ASB18: variants seen among roughly 807,000 people sequenced by gnomAD.
The protein encoded by ASB18 is ankyrin repeat and SOCS box containing 18, also known as ankyrin repeat and SOCS box protein 18.
Under a neutral mutation model 33.4 loss-of-function variants are expected in ASB18, and 33 were observed. That is an observed-to-expected ratio of 0.99 (90% CI 0.75 to 1.32). ASB18 has a LOEUF of 1.32. Ranked by LOEUF, ASB18 falls within the 40% of genes most tolerant of loss-of-function variation. The probability of loss-of-function intolerance (pLI) is 0.00; values close to 1 mark genes in which losing one functional copy is unlikely to be tolerated. For synonymous variants in ASB18, 295 were observed against 307.6 expected (o/e 0.96, Z 0.43); for missense variants, 694 against 655.5 (o/e 1.06, Z -0.64).
In ASB18 at chr2:236,205,490, C is replaced by T. The variant is rs567496255; in HGVS notation, c.1101+8872G>A. ...ACTGCCTTCCACCCTTTTAATTTCT[C>T]TATAGTCCTTATCACTTTTTTGGTC... On this transcript the variant is annotated intron_variant, in intron 4 of 5. Transcript: ENST00000409749. This position sits in a 1 kb window ranked among gnomAD's most constrained non-coding sequence, Gnocchi z 5.4. 6.6e-6 allele frequency among the ~76,000 whole-genome samples: 1 copy of T among 152,314 alleles called. No homozygotes were observed. Among genetic ancestry groups the T allele is most frequent in the East Asian group, 1.9e-4 (1 of 5,188 alleles).
Position 236,214,451 on chromosome 2 carries a change from A to G in ASB18, c.1012T>C (p.Ser338Pro), listed in dbSNP as rs1194277960. 1 of 1,537,618 alleles carries G rather than the reference A, an allele frequency of 6.5e-7. No homozygotes were observed. Among genetic ancestry groups the G allele is most frequent in the Non-Finnish European group, 8.7e-7 (1 of 1,148,872 alleles). ...TGCGGTGAGGCCTGGAGAGCGCAGG[A>G]TGCGGTCTGGAGCACGCGGCCCAGC... The part of the protein sequence containing the change: ...SPLGRVLQTA[S>P]CALQASPQRT... Residue 338 changes from serine (S) to proline (P), a missense_variant, in exon 4 of 6, where the codon TCC becomes CCC. Ser to Pro is a moderately conservative substitution (Grantham distance 74). Coordinates refer to ENST00000409749, the MANE Select transcript of ASB18 (RefSeq NM_212556.4). This position sits in a 1 kb window ranked among gnomAD's most constrained non-coding sequence, Gnocchi z 6.5.
intron 4 of ASB18, among the ~76,000 whole-genome samples, chr2:236,210,112 G>A (rs1023187683): frequency 1.2e-4 from 19 of 152,188 alleles, no homozygotes; most frequent in Admixed American, 6.5e-5. Flanking sequence ...GTGTGTACTT[G>A]TCTGATCCAC....
Position 236,237,787 on chromosome 2 carries a change from G to C in ASB18, c.498C>G (p.Ala166=). Residue 166 remains alanine (A), a synonymous_variant, in exon 3 of 6, where the codon GCC becomes GCG. Transcript: ENST00000409749. The surrounding 1 kb of genome is among the most constrained non-coding windows in gnomAD (Gnocchi z 6.2). The part of the protein sequence containing the change: ...LHEACLGGHT[A]CVRLLLQHRA... Reference sequence around the variant, plus strand: ...GGTGCTGCAGCAGCAGGCGGACGCAGGCGGTGTGGCCCCCGAGGCAGGCCT... The same window carrying C: ...GGTGCTGCAGCAGCAGGCGGACGCACGCGGTGTGGCCCCCGAGGCAGGCCT... 1 of 1,441,554 alleles carries C rather than the reference G, an allele frequency of 6.9e-7. No homozygotes were observed. The allele number at this position is 1,441,554 out of a possible 1,614,324, so 89.3% of individuals were successfully genotyped here.
rs112769669 is a variant in ASB18 at position 236,262,888 on chromosome 2, G to C, written c.205+1253C>G. On this transcript the variant is annotated intron_variant, in intron 1 of 5. Coordinates refer to ENST00000409749, the MANE Select transcript of ASB18 (RefSeq NM_212556.4). This position sits in a 1 kb window ranked among gnomAD's most constrained non-coding sequence, Gnocchi z 5.2. ...CAGAAAGTAGACCCAAACCAAGGGG[G>C]GGGGGCGGACCCCCTCGGAAGTTCC... Among the ~76,000 whole-genome samples, 20 of 152,022 alleles carry C rather than the reference G, an allele frequency of 1.3e-4. No homozygotes were observed. Among genetic ancestry groups the C allele is most frequent in the Admixed American group, 2.0e-4 (3 of 15,266 alleles).
rs757142011 is a variant in ASB18, at chr2:236,264,324, G to A, written c.22C>T (p.Pro8Ser). The A allele has an allele frequency of 3.7e-6, 6 of 1,613,796 alleles. No individual in the cohort carries two copies. In the South Asian group the frequency reaches 5.5e-5, roughly 15 times the overall value. The change falls in exon 1 of 6, where the codon CCC (proline) becomes TCC (serine). Residue 8 changes from proline to serine, a missense_variant. By Grantham distance (74) the Pro-to-Ser change is moderately conservative. Transcript: ENST00000409749. This position sits in a 1 kb window ranked among gnomAD's most constrained non-coding sequence, Gnocchi z 5.1. ...AAATCTGAGTTGAGTGGGTAGTCGG[G>A]AAGGTAATCCGAGTTGGACATTGTT... MSNSDYL[P>S]DYPLNSDLVK...
intron 4 of ASB18, among the ~76,000 whole-genome samples, chr2:236,210,192 C>T (rs778829395): frequency 6.6e-6 from 1 of 152,206 alleles, no homozygotes; most frequent in Non-Finnish European, 1.5e-5. Context: ...CAGTACCAAG[C>T]ACCCAAGTTC....
At position 236,256,077 on chromosome 2, in the gene ASB18, T is replaced by C. The variant is rs2060690634; in HGVS notation, c.205+8064A>G. The stretch of plus-strand genomic sequence containing the variant: ...GAGACCGGCTCTCACTGTTGCCAGG[T>C]TGGAGTGCAGTGGCATGATCACGGT... On this transcript the variant is annotated intron_variant, in intron 1 of 5. Transcript: ENST00000409749. This position sits in a 1 kb window ranked among gnomAD's most constrained non-coding sequence, Gnocchi z 4.7. Among the ~76,000 whole-genome samples the C allele has an allele frequency of 6.6e-6, 1 of 152,272 alleles. No homozygotes were observed. Among genetic ancestry groups the C allele is most frequent in the East Asian group, 1.9e-4 (1 of 5,184 alleles).
intron 4 of ASB18, among the ~76,000 whole-genome samples, chr2:236,199,468 A>G (rs549988209): frequency 4.3e-4 from 64 of 149,978 alleles, no homozygotes; most frequent in Non-Finnish European, 7.7e-4. Context: ...TTGCCTTCAT[A>G]AAACAGGCCC....
rs1396429543 is a variant in ASB18 at position 236,216,338 on chromosome 2, A to T, written c.597-1472T>A. 6.6e-6 allele frequency among the ~76,000 whole-genome samples: 1 copy of T among 152,132 alleles called. No individual in the cohort carries two copies. ...TCTACATCAGCTTCATTCAGGGTGC[A>T]GCTCCCAGGAACTCCCTCACCTGCC... On this transcript the variant is annotated intron_variant, in intron 3 of 5. Coordinates refer to ENST00000409749, the MANE Select transcript of ASB18 (RefSeq NM_212556.4). The surrounding 1 kb of genome is among the most constrained non-coding windows in gnomAD (Gnocchi z 6.1).
Position 236,248,254 on chromosome 2 carries a change from G to A in ASB18, c.206-6852C>T, listed in dbSNP as rs547871773. 1 of 152,230 alleles carries A rather than the reference G, an allele frequency of 6.6e-6. No homozygotes were observed. 9.4% of individuals were successfully genotyped at this position (152,230 alleles called of 1,614,324 possible). On this transcript the variant is annotated intron_variant, in intron 1 of 5. Transcript: ENST00000409749. This position sits in a 1 kb window ranked among gnomAD's most constrained non-coding sequence, Gnocchi z 4.9. ...GCCTGGAGCCCACCTGGTAGTTTCA[G>A]GCATAATGGGTTGGAGGTGCAGCCT...
At chr2:236,243,059 A>G (rs2060628896) in intron 1 of ASB18, among the ~76,000 whole-genome samples, 3 of 138,468 alleles carry the variant, frequency 2.2e-5, no homozygotes, top group South Asian at 2.4e-4. Context: ...GGCTGGGCGC[A>G]GTGGCTCACG....
chr2:236,213,530 G>A lies in ASB18; in HGVS notation c.1101+832C>T, dbSNP rs1176581619. 6.6e-6 allele frequency: 1 copy of A among 152,182 alleles called. No homozygotes were observed. Among genetic ancestry groups the A allele is most frequent in the Non-Finnish European group, 1.5e-5 (1 of 68,042 alleles). 9.4% of individuals were successfully genotyped at this position (152,182 alleles called of 1,614,324 possible). A position where few individuals can be genotyped will look rare whatever the true frequency, so the allele number is the denominator to read the frequency against. On this transcript the variant is annotated intron_variant, in intron 4 of 5. Transcript: ENST00000409749. This position sits in a 1 kb window ranked among gnomAD's most constrained non-coding sequence, Gnocchi z 4.8. ...ACACACCCGGATTTTACATCTAATG[G>A]AATGACTTCCCTTCAATGAAGTCTT...
At chr2:236,261,119 GC>G (rs2060715036) in intron 1 of ASB18, among the ~76,000 whole-genome samples, 1 of 152,038 alleles carries the variant, frequency 6.6e-6, no homozygotes, top group Admixed American at 6.5e-5. Context: ...TTCCCATTGA[GC>G]CCCCCAATTA....
chr2:236,235,302 A>G lies in ASB18; in HGVS notation c.596+2387T>C, dbSNP rs1353513899. On this transcript the variant is annotated intron_variant, in intron 3 of 5. Transcript: ENST00000409749. This position sits in a 1 kb window ranked among gnomAD's most constrained non-coding sequence, Gnocchi z 6.2. ...GTTACAATTCCCTACAGTATTCAGT[A>G]CAGTAGCATGCTGTCCAGGTTTGTA... Among the ~76,000 whole-genome samples the G allele has an allele frequency of 6.6e-6, 1 of 152,240 alleles. No individual in the cohort carries two copies. Among genetic ancestry groups the G allele is most frequent in the African/African-American group, 2.4e-5 (1 of 41,470 alleles).
chr2:236,195,978 C>T lies in ASB18; in HGVS notation c.1215+294G>A, dbSNP rs568039488. 188 of 421,620 alleles carry T rather than the reference C, an allele frequency of 4.5e-4. No homozygotes were observed. Among genetic ancestry groups the T allele is most frequent in the Admixed American group, 1.2e-3 (35 of 28,460 alleles). The allele number at this position is 421,620 out of a possible 1,614,324, so 26.1% of individuals were successfully genotyped here. ...GTGGAGCTAGGCCCGTGGATTCAGG[C>T]GGCTCTGGCCTTTCTTTGGACACTG... On this transcript the variant is annotated intron_variant, in intron 5 of 5. Transcript: ENST00000409749. The surrounding 1 kb of genome is among the most constrained non-coding windows in gnomAD (Gnocchi z 5.5).
intron 4 of ASB18, among the ~76,000 whole-genome samples, chr2:236,199,852 A>T (rs977074296): frequency 2.0e-5 from 3 of 152,186 alleles, no homozygotes; most frequent in Non-Finnish European, 4.4e-5. Flanking sequence ...AAGGCACAGT[A>T]GATCTTGCAT....
rs1213827623 is a variant in ASB18, at chr2:236,221,330, A to C, written c.597-6464T>G. On this transcript the variant is annotated intron_variant, in intron 3 of 5. Transcript: ENST00000409749. This position sits in a 1 kb window ranked among gnomAD's most constrained non-coding sequence, Gnocchi z 5.6. ...GTGGGGAAAGGGACATTGCTTCTGA[A>C]CATTTTGTTAGTAATGTTAAACATC... 1.3e-5 allele frequency among the ~76,000 whole-genome samples: 2 copies of C among 152,190 alleles called. No homozygotes were observed.
Position 236,237,736 on chromosome 2 carries a change from G to A in ASB18, c.549C>T (p.Ala183=). Residue 183 remains alanine (A), a synonymous_variant, in exon 3 of 6, where the codon GCC becomes GCT. Coordinates refer to ENST00000409749, the MANE Select transcript of ASB18 (RefSeq NM_212556.4). This position sits in a 1 kb window ranked among gnomAD's most constrained non-coding sequence, Gnocchi z 6.2. ...AGAGGTGCAGAGGCGCCAGGCCCTC[G>A]GCGCTGAGCAGGTCGGGGTCGGCGC... ...QHRADPDLLS[A]EGLAPLHLCR... 6.9e-7 allele frequency: 1 copy of A among 1,459,358 alleles called. No homozygotes were observed. Among genetic ancestry groups the A allele is most frequent in the African/African-American group, 1.5e-5 (1 of 67,922 alleles). The allele number at this position is 1,459,358 out of a possible 1,614,324, so 90.4% of individuals were successfully genotyped here.
rs2060515281 is a variant in ASB18, at chr2:236,222,069, G to A, written c.597-7203C>T. ...TGCTGCAGGAAGGTTTCCTCCTGTG[G>A]CTCTATGCCCCAGCTGACTCCGATG... On this transcript the variant is annotated intron_variant, in intron 3 of 5. Transcript: ENST00000409749. The surrounding 1 kb of genome is among the most constrained non-coding windows in gnomAD (Gnocchi z 5.5). Among the ~76,000 whole-genome samples, 2 of 152,134 alleles carry A rather than the reference G, an allele frequency of 1.3e-5. No individual in the cohort carries two copies. The highest frequency in any genetic ancestry group is 2.9e-5 in the Non-Finnish European group (2 of 68,022).
Sources: gnomAD v4.1 joint callset for allele counts (sites outside exome capture counted in the v4.1 genomes callset) on GRCh38, gnomAD v4.1.1 for gene constraint, Gnocchi (gnomAD v3.1) non-coding constraint, MANE v1.5 for transcripts, NCBI Gene and HGNC (gene_info 2026-07-23, HGNC 2026-07-21) for gene names.